SVEP1: variants seen among roughly 807,000 people sequenced by gnomAD.
The protein encoded by SVEP1 is sushi, von Willebrand factor type A, EGF and pentraxin domain-containing protein 1.
SVEP1 carries 164 observed loss-of-function variants against 367.3 expected under a neutral mutation model. The observed-to-expected ratio is 0.45, with a 90% CI of 0.39 to 0.51. The LOEUF (loss-of-function observed/expected upper bound fraction) is 0.51, where lower values mean the gene tolerates loss of function less well. SVEP1 is among the 20% of genes least tolerant of loss of function. The pLI is 0.00. For synonymous variants in SVEP1, 1,666 were observed against 1,611.6 expected (o/e 1.03, Z -0.81); for missense variants, 4,117 against 4,425.3 (o/e 0.93, Z 1.98).
rs1305779730 is a variant in SVEP1 at position 110,479,708 on chromosome 9, T to A, written c.2414A>T (p.Lys805Ile). ...HGFKSFEMFY[K>I]AARCDDTDLM... ...ATCTGTGTCATCACAACGAGCTGCT[T>A]TGTAGAACATCTCAAAGGACTTGAA... Residue 805 changes from lysine to isoleucine, a missense_variant, in exon 13 of 48, where the codon AAA becomes ATA. Lys to Ile is a moderately radical substitution (Grantham distance 102). Transcript: ENST00000374469. The A allele has an allele frequency of 6.2e-7, 1 of 1,611,148 alleles. No individual in the cohort carries two copies. Among genetic ancestry groups the A allele is most frequent in the Middle Eastern group, 1.7e-4 (1 of 6,054 alleles).
chr9:110,398,507 T>C (rs1827805233), intron 40 of SVEP1, among the ~76,000 whole-genome samples: 1 of 152,106 alleles, frequency 6.6e-6, no homozygotes, highest in African/African-American at 2.4e-5. Flanking sequence ...CTAATTAAAC[T>C]AAAGAGCTTC....
chr9:110,527,219 G>T (rs1456230198), intron 3 of SVEP1, among the ~76,000 whole-genome samples: 1 of 151,936 alleles, frequency 6.6e-6, no homozygotes, highest in Non-Finnish European at 1.5e-5. Context: ...AGTGGGAAAG[G>T]ATATAGAGGA....
intron 13 of SVEP1, 61 bp downstream of exon 13, chr9:110,479,574 C>T (rs1043883415): frequency 6.6e-7 from 1 of 1,518,898 alleles, no homozygotes; most frequent in Non-Finnish European, 8.8e-7. Flanking sequence ...TTGTAAATGA[C>T]TCAGAAAGGT....
intron 31 of SVEP1, 89 bp from the exon 32 acceptor site, chr9:110,432,123 C>A: frequency 7.6e-7 from 1 of 1,314,676 alleles, no homozygotes; most frequent in South Asian, 1.5e-5. Context: ...CATTACATAT[C>A]ACGTAATGCA....
chr9:110,390,290 CTTATAT>C (rs1827627686), intron 40 of SVEP1, among the ~76,000 whole-genome samples: 1 of 16,974 alleles, frequency 5.9e-5, no homozygotes, highest in African/African-American at 5.5e-4. Flanking sequence ...TATATACATA[CTTATAT>C]ATACTTATAT....
chr9:110,464,471 A>C (rs1828906060), intron 18 of SVEP1, among the ~76,000 whole-genome samples: 1 of 152,192 alleles, frequency 6.6e-6, no homozygotes, highest in Non-Finnish European at 1.5e-5. Flanking sequence ...ACTTATGAGG[A>C]CTACAACTTC....
chr9:110,447,532 C>T (rs1383085521), intron 24 of SVEP1, among the ~76,000 whole-genome samples: 1 of 152,172 alleles, frequency 6.6e-6, no homozygotes, highest in Non-Finnish European at 1.5e-5. Flanking sequence ...AACCTATACT[C>T]TTTTTCTTAA....
intron 40 of SVEP1, among the ~76,000 whole-genome samples, chr9:110,393,694 C>G (rs1827705610): frequency 6.6e-6 from 1 of 152,210 alleles, no homozygotes; most frequent in Non-Finnish European, 1.5e-5. Context: ...TAAAAAACAG[C>G]AAACCAGGAG....
chr9:110,456,771 T>C (rs1285329929), intron 21 of SVEP1, among the ~76,000 whole-genome samples: 1 of 152,222 alleles, frequency 6.6e-6, no homozygotes, highest in African/African-American at 2.4e-5. Flanking sequence ...AATTCATACG[T>C]AATTCCTACA....
chr9:110,471,551 T>C lies in SVEP1; in HGVS notation c.2811A>G (p.Glu937=), dbSNP rs1384649755. 1 of 1,613,852 alleles carries C rather than the reference T, an allele frequency of 6.2e-7. No individual in the cohort carries two copies. The highest frequency in any genetic ancestry group is 2.2e-5 in the East Asian group (1 of 44,898). The stretch of plus-strand genomic sequence containing the variant: ...ATGTCTGAAGGAGTCGTTGCTGATT[T>C]TCCCATTCAAGGGTATCATTTCTTT... The part of the protein sequence containing the change: ...PDERNDTLEW[E]NQQRLLQTLE... Residue 937 remains glutamate (E), a synonymous_variant, in exon 16 of 48, where the codon GAA becomes GAG. Transcript: ENST00000374469.
intron 45 of SVEP1, 56 bp from the exon 46 acceptor site, chr9:110,375,519 A>C: frequency 7.0e-7 from 1 of 1,421,056 alleles, no homozygotes; most frequent in South Asian, 1.3e-5. Context: ...AATGGCGTTG[A>C]TCAAAGTACA....
At chr9:110,520,914 T>G (rs756823127) in intron 3 of SVEP1, among the ~76,000 whole-genome samples, 15 of 152,214 alleles carry the variant, frequency 9.9e-5, no homozygotes, top group Non-Finnish European at 1.8e-4. Flanking sequence ...TGCCTGTTTA[T>G]GTGAATAATA....
At chr9:110,396,432 A>G (rs1446871554) in intron 40 of SVEP1, among the ~76,000 whole-genome samples, 1 of 152,306 alleles carries the variant, frequency 6.6e-6, no homozygotes, top group South Asian at 2.1e-4. Flanking sequence ...CATCACAACT[A>G]AAAGAACTAG....
At chr9:110,546,415 T>G (rs1830221830) in intron 2 of SVEP1, 124 bp from the exon 3 acceptor site, 2 of 1,091,078 alleles carry the variant, frequency 1.8e-6, no homozygotes, top group Non-Finnish European at 2.6e-6. Flanking sequence ...AATTCCCAAC[T>G]GCTTCCTGCT....
Position 110,481,347 on chromosome 9 carries a change from A to G in SVEP1, c.2260T>C (p.Leu754=), listed in dbSNP as rs757261475. The G allele has an allele frequency of 1.2e-6, 2 of 1,611,610 alleles. No homozygotes were observed. The highest frequency in any genetic ancestry group is 4.5e-5 in the East Asian group (2 of 44,820). The change falls in exon 12 of 48, where the codon TTG becomes CTG. Residue 754 remains leucine (L), a synonymous_variant. Transcript: ENST00000374469. ...NTGVNCTLTC[L]EGYDFTEGST... ...CCTTCTGTGAAATCATAGCCCTCCA[A>G]GCAAGTTAATGTACAGTTGACTCCA... is the stretch of plus-strand genomic sequence containing the variant.
intron 8 of SVEP1, among the ~76,000 whole-genome samples, chr9:110,493,949 AG>A (rs1259948320): frequency 1.3e-5 from 2 of 152,144 alleles, no homozygotes; most frequent in Non-Finnish European, 2.9e-5. Context: ...CTAGCTTCAA[AG>A]CCACTGATGG....
intron 3 of SVEP1, among the ~76,000 whole-genome samples, chr9:110,516,496 G>A (rs945806014): frequency 6.6e-6 from 1 of 150,918 alleles, no homozygotes; most frequent in Non-Finnish European, 1.5e-5. Flanking sequence ...TTGAAGCACT[G>A]TATTAGCGAT....
intron 22 of SVEP1, among the ~76,000 whole-genome samples, chr9:110,453,104 G>C (rs1248770800): frequency 6.6e-6 from 1 of 152,036 alleles, no homozygotes; most frequent in Admixed American, 6.6e-5. Context: ...AAAATTATTA[G>C]AATCTGGTTC....
At chr9:110,542,115 G>A (rs1052071314) in intron 3 of SVEP1, among the ~76,000 whole-genome samples, 6 of 151,984 alleles carry the variant, frequency 3.9e-5, no homozygotes, top group South Asian at 2.1e-4. Flanking sequence ...TCTGTGTTGC[G>A]AAACATTTTG....
Sources: gnomAD v4.1 joint callset for allele counts (sites outside exome capture counted in the v4.1 genomes callset) on GRCh38, gnomAD v4.1.1 for gene constraint, MANE v1.5 for transcripts, NCBI Gene and HGNC (gene_info 2026-07-23, HGNC 2026-07-21) for gene names.